The following SLC25A26 variants were observed in gnomAD, a reference collection of about 807,000 sequenced individuals.
SLC25A26 encodes the protein mitochondrial S-adenosylmethionine carrier protein.
SLC25A26 carries 36 observed loss-of-function variants against 37.8 expected under a neutral mutation model. The ratio of observed to expected loss-of-function variants is 0.95; its 90% confidence interval spans 0.73 to 1.26. The LOEUF (loss-of-function observed/expected upper bound fraction) is 1.26, where lower values mean the gene tolerates loss of function less well. Ranked by LOEUF, SLC25A26 falls within the 50% of genes most tolerant of loss-of-function variation. The pLI is 0.00. For missense variants in SLC25A26, 390 were observed against 331.1 expected (o/e 1.18, Z -1.38); for synonymous variants, 129 against 122.5 (o/e 1.05, Z -0.35).
chr3:66,150,207 TATAAC>T (rs1463627346), intron 1 of SLC25A26, among the ~76,000 whole-genome samples: 1 of 151,838 alleles, frequency 6.6e-6, no homozygotes, highest in East Asian at 1.9e-4. Context: ...TTAAAAAATA[TATAAC>T]ATAGGCCGGG....
intron 3 of SLC25A26, among the ~76,000 whole-genome samples, chr3:66,243,549 G>GT (rs1178014826): frequency 5.3e-5 from 8 of 152,316 alleles, no homozygotes; most frequent in African/African-American, 1.9e-4. Flanking sequence ...AGAGACAGAT[G>GT]TAAAACATAA....
intron 5 of SLC25A26, among the ~76,000 whole-genome samples, chr3:66,312,226 T>G (rs777092160): frequency 6.6e-6 from 1 of 152,206 alleles, no homozygotes; most frequent in Non-Finnish European, 1.5e-5. Flanking sequence ...CTGGCTACTG[T>G]GGCTTTGCAG....
intron 5 of SLC25A26, among the ~76,000 whole-genome samples, chr3:66,319,380 A>G (rs935755744): frequency 6.6e-6 from 1 of 152,192 alleles, no homozygotes; most frequent in African/African-American, 2.4e-5. Flanking sequence ...ATACCATACT[A>G]GTATATAATG....
In SLC25A26 at chr3:66,254,104, A is replaced by AAGGTTTG. The variant is rs2073206898; in HGVS notation, c.301-7945_301-7939dup. Reference sequence around the variant, plus strand: ...ATTGGAAAGAGTCTTATAAGGGGGAAAGGTTTGATGAACATAGGTCCCAAT... The same window carrying AAGGTTTG: ...ATTGGAAAGAGTCTTATAAGGGGGAAAGGTTTGAGGTTTGATGAACATAGGTCCCAAT... On this transcript the variant is annotated intron_variant, in intron 3 of 9. Transcript: ENST00000354883. 8.5e-5 allele frequency among the ~76,000 whole-genome samples: 13 copies of AAGGTTTG among 152,286 alleles called. No individual in the cohort carries two copies. In the South Asian group the frequency reaches 2.5e-3, roughly 29 times the overall value.
chr3:66,220,692 C>T (rs1340405138), upstream of SLC25A26: 1 of 277,398 alleles, frequency 3.6e-6, no homozygotes. Flanking sequence ...TTAGTACTAC[C>T]CCTCACGACT....
At chr3:66,246,101 G>C (rs1170822557) in intron 3 of SLC25A26, among the ~76,000 whole-genome samples, 2 of 152,206 alleles carry the variant, frequency 1.3e-5, no homozygotes, top group African/African-American at 4.8e-5. Flanking sequence ...TTTTCAGCTA[G>C]TGTAGTGTTT....
chr3:66,289,467 A>T (rs1008483465), intron 5 of SLC25A26, among the ~76,000 whole-genome samples: 7 of 152,164 alleles, frequency 4.6e-5, no homozygotes, highest in Admixed American at 2.6e-4. Context: ...TCTAACGTTT[A>T]AGTCTTTAAC....
intron 5 of SLC25A26, among the ~76,000 whole-genome samples, chr3:66,274,329 CAT>C (rs1209191787): frequency 1.9e-4 from 29 of 152,036 alleles, no homozygotes; most frequent in African/African-American, 7.0e-4. Flanking sequence ...CCATTCAGGA[CAT>C]AGGCATGGGC....
chr3:66,348,524 A>G (rs707015), intron 6 of SLC25A26, among the ~76,000 whole-genome samples: 59,225 of 152,038 alleles, frequency 0.39, 12,086 homozygotes, highest in East Asian at 0.7. Flanking sequence ...ATACAAAAAT[A>G]AAGGAGTTAC....
chr3:66,140,235 T>C (rs1184735457), intron 1 of SLC25A26, among the ~76,000 whole-genome samples: 1 of 152,180 alleles, frequency 6.6e-6, no homozygotes, highest in Non-Finnish European at 1.5e-5. Flanking sequence ...AGGAATTACA[T>C]CTCTTGACCA....
At chr3:66,223,143 A>G (rs1553659285) in intron 1 of SLC25A26, among the ~76,000 whole-genome samples, 1 of 152,258 alleles carries the variant, frequency 6.6e-6, no homozygotes, top group Non-Finnish European at 1.5e-5. Flanking sequence ...AGTGCTATGA[A>G]AGAAATGAAC....
At chr3:66,363,251 C>CA (rs1185717424) in intron 7 of SLC25A26, among the ~76,000 whole-genome samples, 13 of 152,148 alleles carry the variant, frequency 8.5e-5, no homozygotes, top group African/African-American at 3.1e-4. Flanking sequence ...GCTGTGGGTG[C>CA]AGGGCTCACC....
chr3:66,268,112 G>A (rs1456520078), intron 5 of SLC25A26, among the ~76,000 whole-genome samples: 1 of 152,128 alleles, frequency 6.6e-6, no homozygotes, highest in Non-Finnish European at 1.5e-5. Context: ...TTCATTAAGA[G>A]CACTATCTTT....
intron 1 of SLC25A26, among the ~76,000 whole-genome samples, chr3:66,169,223 A>C (rs2070463419): frequency 6.6e-6 from 1 of 152,218 alleles, no homozygotes; most frequent in Non-Finnish European, 1.5e-5. Context: ...TCTATTAAGT[A>C]CTTACTAAGT....
In SLC25A26 at chr3:66,252,437, A is replaced by G. The variant is rs551034260; in HGVS notation, c.300+9125A>G. ...TCTGTAGGGAGGTAGCAAGGTATGG[A>G]CCATGGGCTGTCAAGTTACACAGAT... On this transcript the variant is annotated intron_variant, in intron 3 of 9. Transcript: ENST00000354883. Among the ~76,000 whole-genome samples, 116 of 152,348 alleles carry G rather than the reference A, an allele frequency of 7.6e-4. No individual in the cohort carries two copies. The Middle Eastern group carries it at 0.017, about 22-fold the overall frequency.
intron 1 of SLC25A26, among the ~76,000 whole-genome samples, chr3:66,196,297 C>T (rs1211377124): frequency 2.6e-5 from 4 of 152,210 alleles, no homozygotes; most frequent in Non-Finnish European, 5.9e-5. Flanking sequence ...GACTTCGCAG[C>T]TTCTGTGCGT....
At chr3:66,222,987 A>G (rs887755201) in intron 1 of SLC25A26, among the ~76,000 whole-genome samples, 4 of 152,324 alleles carry the variant, frequency 2.6e-5, no homozygotes, top group African/African-American at 9.6e-5. Flanking sequence ...TAAAGGAAAA[A>G]CATTTTATTT....
intron 1 of SLC25A26, among the ~76,000 whole-genome samples, chr3:66,150,208 A>G (rs760455024): frequency 6.6e-6 from 1 of 151,988 alleles, no homozygotes; most frequent in African/African-American, 2.4e-5. Context: ...TAAAAAATAT[A>G]TAACATAGGC....
intron 1 of SLC25A26, among the ~76,000 whole-genome samples, chr3:66,149,436 C>A (rs539230838): frequency 9.2e-5 from 14 of 152,252 alleles, no homozygotes; most frequent in African/African-American, 3.4e-4. Flanking sequence ...GTTTTATGTG[C>A]CAACAAATTT....
Sources: gnomAD v4.1 joint callset for allele counts (sites outside exome capture counted in the v4.1 genomes callset) on GRCh38, gnomAD v4.1.1 for gene constraint, MANE v1.5 for transcripts, NCBI Gene and HGNC (gene_info 2026-07-23, HGNC 2026-07-21) for gene names.